The following SERPINB8 variants were observed in gnomAD, a reference collection of about 807,000 sequenced individuals.
SERPINB8 encodes serpin family B member 8.
In SERPINB8, 25 loss-of-function variants were observed where a neutral mutation model predicts 35.3. The observed-to-expected ratio is 0.71, with a 90% CI of 0.52 to 0.99. The LOEUF (loss-of-function observed/expected upper bound fraction) is 0.99, where lower values mean the gene tolerates loss of function less well. SERPINB8 is among the 50% of genes least tolerant of loss of function. The pLI is 0.00. For missense variants in SERPINB8, 484 were observed against 446.5 expected, an observed-to-expected ratio of 1.08 and a Z score of -0.76; for synonymous variants, 186 against 160.8, an observed-to-expected ratio of 1.16 and a Z score of -1.19.
chr18:64,016,903 C>T (rs1215821828), intron 7 of SERPINB8, among the ~76,000 whole-genome samples: 1 of 152,130 alleles, frequency 6.6e-6, no homozygotes, highest in Admixed American at 6.5e-5. Flanking sequence ...ATTGTTTTTG[C>T]ACTTCCTTCT....
At position 63,987,595 on chromosome 18, in the gene SERPINB8, C is replaced by CCTCTATGTG. The variant is rs71302783; in HGVS notation, c.*321_*322insATGTGCTCT. ...GCATCTCAGGGCTTCAGGAGCCAGC[C>CCTCTATGTG]CTCTTCCATCCGCCCGGCTCTGCCC... On this transcript the variant is annotated 3_prime_UTR_variant, in exon 7 of 7. Coordinates refer to ENST00000397985, the MANE Select transcript of SERPINB8 (RefSeq NM_002640.4). The CCTCTATGTG allele has an allele frequency of 0.42, 110,320 of 261,398 alleles. 25,611 individuals carry two copies. Among genetic ancestry groups the CCTCTATGTG allele is most frequent in the African/African-American group, 0.65 (29,295 of 44,762 alleles). 16.2% of individuals were successfully genotyped at this position (261,398 alleles called of 1,614,324 possible).
At chr18:63,974,740 G>T (rs2050553541) in intron 1 of SERPINB8, among the ~76,000 whole-genome samples, 1 of 152,106 alleles carries the variant, frequency 6.6e-6, no homozygotes, top group Non-Finnish European at 1.5e-5. Flanking sequence ...AAGCTATAAA[G>T]TCCAAATGAG....
intron 7 of SERPINB8, among the ~76,000 whole-genome samples, chr18:64,015,066 G>T (rs1300490547): frequency 6.6e-6 from 1 of 151,922 alleles, no homozygotes; most frequent in Non-Finnish European, 1.5e-5. Context: ...CATTCTTTTT[G>T]CCCATTATTC....
At chr18:64,003,615 G>A (rs1314165281) in intron 1 of SERPINB8, among the ~76,000 whole-genome samples, 1 of 151,832 alleles carries the variant, frequency 6.6e-6, no homozygotes, top group East Asian at 1.9e-4. Flanking sequence ...GCTAAGATCT[G>A]CAGTAAGCAA....
chr18:64,018,998 T>G (rs1393630858), exon 8 of SERPINB8: 1 of 152,216 alleles, frequency 6.6e-6, no homozygotes, highest in Non-Finnish European at 1.5e-5. Context: ...AACTACATCA[T>G]GACTGTCACA....
chr18:64,004,149 TC>T (rs1423868484), intron 1 of SERPINB8, among the ~76,000 whole-genome samples: 1 of 96,522 alleles, frequency 1.0e-5, no homozygotes, highest in Non-Finnish European at 2.3e-5. Flanking sequence ...TTTGCCTATA[TC>T]TTTTTTGGAG....
chr18:64,006,657 G>A (rs929855110), downstream of SERPINB8, among the ~76,000 whole-genome samples: 3 of 152,210 alleles, frequency 2.0e-5, no homozygotes, highest in South Asian at 4.1e-4. Flanking sequence ...GTAGCGTGGG[G>A]TAATTGACTA....
intron 7 of SERPINB8, among the ~76,000 whole-genome samples, chr18:64,012,571 A>ATGTG (rs1555659853): frequency 1.4e-4 from 13 of 90,124 alleles, no homozygotes; most frequent in African/African-American, 3.9e-4. Context: ...CTGTGTATGT[A>ATGTG]TGTGTGTGTG....
chr18:64,008,163 T>A (rs1236882793), downstream of SERPINB8, among the ~76,000 whole-genome samples: 1 of 152,048 alleles, frequency 6.6e-6, no homozygotes, highest in East Asian at 1.9e-4. Flanking sequence ...CTTCAAGAGG[T>A]GTGGAAAAAA....
rs1363863056 is a variant in SERPINB8, at chr18:63,987,015, A to G, written c.862A>G (p.Met288Val). 1.9e-6 allele frequency: 3 copies of G among 1,614,220 alleles called. No homozygotes were observed. The highest frequency in any genetic ancestry group is 3.3e-5 in the Admixed American group (2 of 60,022). The change falls in exon 7 of 7, where the codon ATG (methionine) becomes GTG (valine). Residue 288 changes from methionine (M) to valine (V), a missense_variant. By Grantham distance (21) the Met-to-Val change is conservative. Transcript: ENST00000397985. Reference protein sequence around the residue: ...DLEPFLRRLGMIDAFDEAKAD... With the variant: ...DLEPFLRRLGVIDAFDEAKAD... Reference sequence around the variant, plus strand: ...GGAGCCTTTCCTTCGAAGATTAGGAATGATCGATGCTTTTGACGAAGCCAA... The same window carrying G: ...GGAGCCTTTCCTTCGAAGATTAGGAGTGATCGATGCTTTTGACGAAGCCAA...
chr18:63,980,540 C>T (rs1305285842), intron 3 of SERPINB8, among the ~76,000 whole-genome samples: 1 of 152,162 alleles, frequency 6.6e-6, no homozygotes, highest in Non-Finnish European at 1.5e-5. Context: ...CTTGGCCATC[C>T]TATTGGCTGG....
At chr18:64,001,233 G>T (rs2050872706) in intron 1 of SERPINB8, among the ~76,000 whole-genome samples, 1 of 152,166 alleles carries the variant, frequency 6.6e-6, no homozygotes, top group Non-Finnish European at 1.5e-5. Flanking sequence ...ACGGAATCAA[G>T]AATGAGTACT....
intron 1 of SERPINB8, among the ~76,000 whole-genome samples, chr18:63,997,317 C>T (rs977104738): frequency 1.3e-5 from 2 of 152,172 alleles, no homozygotes; most frequent in Non-Finnish European, 2.9e-5. Context: ...GTGGGTGTGG[C>T]TTAAGAGTAT....
At position 63,987,266 on chromosome 18, in the gene SERPINB8, C is replaced by T; in HGVS notation, c.1113C>T (p.Phe371=). The T allele has an allele frequency of 1.2e-6, 2 of 1,612,126 alleles. No homozygotes were observed. The highest frequency in any genetic ancestry group is 1.7e-6 in the Non-Finnish European group (2 of 1,178,700). Residue 371 remains phenylalanine (F), a synonymous_variant, in exon 7 of 7, where the codon TTC becomes TTT. Coordinates refer to ENST00000397985, the MANE Select transcript of SERPINB8 (RefSeq NM_002640.4). The stretch of plus-strand genomic sequence containing the variant: ...ACTGCATCTTGTTCTGTGGCAGGTT[C>T]TCTTCTCCGTAAAGAGGAGCAATTG... ...KTNCILFCGR[F]SSP is the part of the protein sequence containing the mutation.
chr18:63,985,089 T>C lies in SERPINB8; in HGVS notation c.568-4T>C. 6.2e-7 allele frequency: 1 copy of C among 1,612,672 alleles called. No individual in the cohort carries two copies. The highest frequency in any genetic ancestry group is 8.5e-7 in the Non-Finnish European group (1 of 1,179,256). On this transcript the variant is annotated splice_region_variant and splice_polypyrimidine_tract_variant and intron_variant, in intron 5 of 6. Transcript: ENST00000397985. Reference sequence around the variant, plus strand: ...CAGTAATCGAACTTTAATTTTTCCGTTAGGAAAAAAAGACAGTGCAGATGA... The same window carrying C: ...CAGTAATCGAACTTTAATTTTTCCGCTAGGAAAAAAAGACAGTGCAGATGA...
downstream of SERPINB8, among the ~76,000 whole-genome samples, chr18:63,990,858 T>C (rs1303195189): frequency 1.3e-5 from 2 of 152,244 alleles, no homozygotes; most frequent in Non-Finnish European, 2.9e-5. Flanking sequence ...AAGGAATGCT[T>C]TGCCTAATCC....
At chr18:63,990,069 GTGT>G (rs1568281027), downstream of SERPINB8, among the ~76,000 whole-genome samples, 1 of 118,602 alleles carries the variant, frequency 8.4e-6, no homozygotes, top group African/African-American at 3.3e-5. Context: ...TTTTGTTTTC[GTGT>G]TTTTTTTTTT....
At position 64,019,132 on chromosome 18, in the gene SERPINB8, T is replaced by G. The variant is rs894203623; in HGVS notation, c.*225T>G. 2.0e-5 allele frequency: 3 copies of G among 152,326 alleles called. No individual in the cohort carries two copies. In the South Asian group the frequency reaches 6.2e-4, roughly 32 times the overall value. The allele number at this position is 152,326 out of a possible 1,614,324, so 9.4% of individuals were successfully genotyped here. On this transcript the variant is annotated 3_prime_UTR_variant, in exon 8 of 8. Coordinates refer to the SERPINB8 transcript ENST00000636430. ...TAACTTTCTTTCAAAATAAAGACAT[T>G]TTCCATTCCTGCATCTGCTGCACCC...
chr18:63,982,280 A>G (rs1349593902), intron 4 of SERPINB8, among the ~76,000 whole-genome samples: 3 of 152,126 alleles, frequency 2.0e-5, no homozygotes, highest in Non-Finnish European at 4.4e-5. Context: ...TAACTTGGCC[A>G]TGGCTACATT....
Sources: allele counts gnomAD v4.1 joint callset (sites outside exome capture counted in the v4.1 genomes callset), GRCh38; gene constraint gnomAD v4.1.1; transcripts MANE v1.5; gene names NCBI Gene and HGNC (gene_info 2026-07-23, HGNC 2026-07-21).